The following BLTP3B variants were observed in gnomAD, a reference collection of about 807,000 sequenced individuals.
The protein encoded by BLTP3B is UHRF1 (ICBP90) binding protein 1-like.
At chr12:100,109,444 G>C in the BLTP3B span, among the ~76,000 whole-genome samples, 1 of 152,068 alleles carries the variant, frequency 6.6e-6, no homozygotes, top group Admixed American at 6.6e-5. Context: ...AAGTAATTGT[G>C]TAACTGGAAT....
At chr12:100,071,116 C>G in the BLTP3B span, among the ~76,000 whole-genome samples, 9 of 152,084 alleles carry the variant, frequency 5.9e-5, no homozygotes, top group Non-Finnish European at 1.3e-4. Context: ...ATAACAAAAC[C>G]TATTTCATCT....
chr12:100,060,048 G>A, the BLTP3B span: 6 of 1,561,032 alleles, frequency 3.8e-6, no homozygotes, highest in Non-Finnish European at 3.4e-6. Context: ...ATGGAACTGT[G>A]GAGACAAGAT....
chr12:100,105,924 T>C, the BLTP3B span, among the ~76,000 whole-genome samples: 1 of 151,940 alleles, frequency 6.6e-6, no homozygotes, highest in South Asian at 2.1e-4. Flanking sequence ...CAAAAGAAGA[T>C]ATACAAATGG....
At chr12:100,060,874 A>C in the BLTP3B span, among the ~76,000 whole-genome samples, 1 of 152,226 alleles carries the variant, frequency 6.6e-6, no homozygotes, top group Non-Finnish European at 1.5e-5. Context: ...TAAGAAAAAT[A>C]AATCAAAGGT....
the BLTP3B span, among the ~76,000 whole-genome samples, chr12:100,124,568 C>A: frequency 1.3e-5 from 2 of 151,646 alleles, no homozygotes; most frequent in African/African-American, 2.4e-5. Context: ...CATTGTGAAA[C>A]CCCATCTCTA....
chr12:100,095,832 C>T, the BLTP3B span: 2 of 1,583,474 alleles, frequency 1.3e-6, no homozygotes, highest in Non-Finnish European at 1.7e-6. Flanking sequence ...CATTGCAGTC[C>T]TTTAACTGTA....
chr12:100,135,228 A>G, the BLTP3B span, among the ~76,000 whole-genome samples: 1 of 149,190 alleles, frequency 6.7e-6, no homozygotes, highest in Non-Finnish European at 1.5e-5. Flanking sequence ...ATTTGTTCCC[A>G]CTATCTCTCT....
At chr12:100,102,803 T>C in the BLTP3B span, 6 of 1,610,032 alleles carry the variant, frequency 3.7e-6, no homozygotes, top group Non-Finnish European at 5.1e-6. Flanking sequence ...GATGGGCCAT[T>C]AGGGCTTCTT....
the BLTP3B span, chr12:100,095,853 AT>A: frequency 1.7e-5 from 27 of 1,558,220 alleles, no homozygotes; most frequent in African/African-American, 2.9e-4. Flanking sequence ...GGAAAAAAAA[AT>A]GTTTTATAAA....
At chr12:100,041,532 G>A in the BLTP3B span, among the ~76,000 whole-genome samples, 1 of 150,828 alleles carries the variant, frequency 6.6e-6, no homozygotes, top group Non-Finnish European at 1.5e-5. Context: ...CGCCTCCTGG[G>A]TTCAAGTGAT....
At chr12:100,136,390 G>C in the BLTP3B span, among the ~76,000 whole-genome samples, 1 of 151,788 alleles carries the variant, frequency 6.6e-6, no homozygotes, top group Non-Finnish European at 1.5e-5. Flanking sequence ...GTCCAATTTA[G>C]AAATAGGTTA....
At chr12:100,096,716 G>A in the BLTP3B span, among the ~76,000 whole-genome samples, 1 of 152,142 alleles carries the variant, frequency 6.6e-6, no homozygotes, top group South Asian at 2.1e-4. Flanking sequence ...AGCTACTTGG[G>A]AGGCTAAGGC....
At chr12:100,126,558 T>A in the BLTP3B span, among the ~76,000 whole-genome samples, 6,337 of 152,182 alleles carry the variant, frequency 0.042, 281 homozygotes, top group African/African-American at 0.11. Context: ...TGTAGTAAAG[T>A]TCTCTTTTAA....
At chr12:100,090,586 T>C in the BLTP3B span, among the ~76,000 whole-genome samples, 1 of 152,182 alleles carries the variant, frequency 6.6e-6, no homozygotes, top group South Asian at 2.1e-4. Context: ...ATTACATCTA[T>C]GAAGAACTAT....
the BLTP3B span, chr12:100,060,018 C>T: frequency 6.2e-7 from 1 of 1,605,272 alleles, no homozygotes; most frequent in Non-Finnish European, 8.5e-7. Flanking sequence ...GTGCATTCAG[C>T]TGGCTATAGA....
the BLTP3B span, chr12:100,058,982 C>G: frequency 6.2e-7 from 1 of 1,614,138 alleles, no homozygotes; most frequent in South Asian, 1.1e-5. Context: ...AGAGCTTCTT[C>G]CGCTTCAATC....
the BLTP3B span, among the ~76,000 whole-genome samples, chr12:100,056,743 CAGG>C: frequency 6.6e-6 from 1 of 150,802 alleles, no homozygotes; most frequent in East Asian, 2.0e-4. Flanking sequence ...GAGGCTGAGG[CAGG>C]AGAACTGCTT....
chr12:100,069,897 A>ACCT, the BLTP3B span: 5 of 985,670 alleles, frequency 5.1e-6, no homozygotes, highest in Non-Finnish European at 6.1e-6. Flanking sequence ...ATAGAATAAA[A>ACCT]TTTTTAAAAA....
At chr12:100,138,667 T>C in the BLTP3B span, among the ~76,000 whole-genome samples, 8 of 152,236 alleles carry the variant, frequency 5.3e-5, no homozygotes, top group Non-Finnish European at 8.8e-5. Context: ...GGTGAATGTC[T>C]GCCCAGTCAA....
Sources: gnomAD v4.1 joint callset for allele counts (sites outside exome capture counted in the v4.1 genomes callset) on GRCh38, gnomAD v4.1.1 for gene constraint, MANE v1.5 for transcripts, NCBI Gene and HGNC (gene_info 2026-07-23, HGNC 2026-07-21) for gene names.